The following PRKN variants were observed in gnomAD, a reference collection of about 807,000 sequenced individuals.
The protein encoded by PRKN is E3 ubiquitin-protein ligase parkin.
A neutral mutation model predicts 59.5 loss-of-function variants in PRKN; 56 were observed. That is an observed-to-expected ratio of 0.94 (90% CI 0.76 to 1.18). The LOEUF (loss-of-function observed/expected upper bound fraction) is 1.18. PRKN is among the 50% of genes most tolerant of loss of function. The pLI, the probability that PRKN is intolerant of heterozygous loss-of-function variation, is 0.00. For missense variants in PRKN, 657 were observed against 596.4 expected (o/e 1.10, Z -1.06); for synonymous variants, 250 against 222.1 (o/e 1.13, Z -1.12).
chr6:162,563,003 T>C (rs1045785410), intron 1 of PRKN, among the ~76,000 whole-genome samples: 17 of 152,124 alleles, frequency 1.1e-4, no homozygotes, highest in Admixed American at 6.6e-5. Context: ...AAACTCTTTG[T>C]TTAAGAGAAA....
chr6:161,700,342 T>C (rs191356638), intron 7 of PRKN, among the ~76,000 whole-genome samples: 6 of 152,276 alleles, frequency 3.9e-5, no homozygotes, highest in Admixed American at 3.9e-4. Flanking sequence ...CTCAGCTGCA[T>C]GTTGTTTTCT....
rs566401221 is a variant in PRKN at position 162,225,088 on chromosome 6, C to G, written c.413-23836G>C. ...GAAGTCCAAGATTGGGCAGCCCTGT[C>G]TGGGCTGCATCATAACATGGTAGAC... On this transcript the variant is annotated intron_variant, in intron 3 of 11. Coordinates refer to ENST00000366898, the MANE Select transcript of PRKN (RefSeq NM_004562.3). Among the ~76,000 whole-genome samples, 154 of 152,286 alleles carry G rather than the reference C, an allele frequency of 1.0e-3. 1 individual carries two copies. The highest frequency in any genetic ancestry group is 3.5e-3 in the African/African-American group (147 of 41,540).
At chr6:162,376,427 C>T (rs897272273) in intron 2 of PRKN, among the ~76,000 whole-genome samples, 7 of 151,932 alleles carry the variant, frequency 4.6e-5, no homozygotes, top group African/African-American at 1.7e-4. Flanking sequence ...TAATCCCTCA[C>T]ATTCATGTTT....
intron 5 of PRKN, among the ~76,000 whole-genome samples, chr6:162,032,450 CAT>C (rs1405495465): frequency 1.3e-5 from 2 of 152,014 alleles, no homozygotes; most frequent in Non-Finnish European, 2.9e-5. Context: ...CAACAGAAAA[CAT>C]GTCTGAATCT....
rs1242855216 is a variant in PRKN at position 161,388,850 on chromosome 6, C to T, written c.1084-1973G>A. Among the ~76,000 whole-genome samples the T allele has an allele frequency of 6.6e-6, 1 of 152,232 alleles. No homozygotes were observed. The highest frequency in any genetic ancestry group is 6.5e-5 in the Admixed American group (1 of 15,278). ...GCTTTTAGTAGACAGCCAGCACCAA[C>T]TTGCCAGCTATGTGACTGGGTCATA... is the stretch of plus-strand genomic sequence containing the variant. On this transcript the variant is annotated intron_variant, in intron 9 of 11. Coordinates refer to ENST00000366898, the MANE Select transcript of PRKN (RefSeq NM_004562.3). This position sits in a 1 kb window ranked among gnomAD's most constrained non-coding sequence, Gnocchi z 4.3.
intron 2 of PRKN, among the ~76,000 whole-genome samples, chr6:162,421,625 A>G (rs377250893): frequency 2.0e-5 from 3 of 152,206 alleles, no homozygotes; most frequent in South Asian, 2.1e-4. Context: ...CTACTCATTA[A>G]CAAATGTCTA....
At chr6:162,647,498 A>T (rs1042012015) in intron 1 of PRKN, among the ~76,000 whole-genome samples, 2 of 152,160 alleles carry the variant, frequency 1.3e-5, no homozygotes, top group Admixed American at 6.5e-5. Context: ...GAAAGGTCTT[A>T]ACAGCCTTAA....
At chr6:161,382,082 G>A (rs1213941621) in intron 10 of PRKN, among the ~76,000 whole-genome samples, 15 of 137,452 alleles carry the variant, frequency 1.1e-4, no homozygotes, top group African/African-American at 3.0e-4. Flanking sequence ...ATTGTAGTCC[G>A]GCCTGGGTGA....
At chr6:161,610,567 T>G (rs1283542191) in intron 7 of PRKN, among the ~76,000 whole-genome samples, 1 of 141,092 alleles carries the variant, frequency 7.1e-6, no homozygotes, top group Non-Finnish European at 1.5e-5. Context: ...CTGTGAGGAG[T>G]ACCAGGGATA....
chr6:161,913,205 T>C, intron 6 of PRKN, among the ~76,000 whole-genome samples: 1 of 147,182 alleles, frequency 6.8e-6, no homozygotes, highest in East Asian at 2.0e-4. Flanking sequence ...TGGGATAATG[T>C]ATAATGTGGC....
intron 6 of PRKN, among the ~76,000 whole-genome samples, chr6:161,970,491 A>T (rs1780761516): frequency 6.6e-6 from 1 of 151,894 alleles, no homozygotes; most frequent in South Asian, 2.1e-4. Context: ...ATTGCAAAAA[A>T]ATTAACCAGA....
intron 7 of PRKN, among the ~76,000 whole-genome samples, chr6:161,577,383 G>A (rs1475155198): frequency 6.6e-6 from 1 of 152,166 alleles, no homozygotes; most frequent in Non-Finnish European, 1.5e-5. Context: ...ATCTCTAGAT[G>A]AAACCTTTAA....
Position 161,549,625 on chromosome 6 carries a change from T to C in PRKN, c.934-622A>G, listed in dbSNP as rs1779927321. On this transcript the variant is annotated intron_variant, in intron 8 of 11. Coordinates refer to ENST00000366898, the MANE Select transcript of PRKN (RefSeq NM_004562.3). The surrounding 1 kb of genome is among the most constrained non-coding windows in gnomAD (Gnocchi z 6.0). ...CTGATGTCATTTCTTCCTGGTACCG[T>C]TTTGCTCAATTTCCTTTAATGGTTT... Among the ~76,000 whole-genome samples, 1 of 152,152 alleles carries C rather than the reference T, an allele frequency of 6.6e-6. No individual in the cohort carries two copies. The highest frequency in any genetic ancestry group is 6.5e-5 in the Admixed American group (1 of 15,268).
chr6:161,735,979 C>A (rs946592736), intron 7 of PRKN, among the ~76,000 whole-genome samples: 2 of 152,128 alleles, frequency 1.3e-5, no homozygotes, highest in African/African-American at 4.8e-5. Context: ...TTAAAAAATT[C>A]TTCCTTTTAC....
chr6:161,358,444 G>A (rs570456731), intron 11 of PRKN, among the ~76,000 whole-genome samples: 126 of 152,140 alleles, frequency 8.3e-4, no homozygotes, highest in Middle Eastern at 3.4e-3. Context: ...GTGAAATCCC[G>A]TCTCTACTAA....
chr6:162,288,686 C>A (rs900171616), intron 2 of PRKN, among the ~76,000 whole-genome samples: 1 of 152,112 alleles, frequency 6.6e-6, no homozygotes, highest in Non-Finnish European at 1.5e-5. Flanking sequence ...TCATGAGCCC[C>A]TAAGCAGAGG....
At chr6:162,139,022 A>T (rs1387758297) in intron 4 of PRKN, among the ~76,000 whole-genome samples, 1 of 152,222 alleles carries the variant, frequency 6.6e-6, no homozygotes. Flanking sequence ...AGTGGGGGCT[A>T]AGAATGATGG....
intron 4 of PRKN, among the ~76,000 whole-genome samples, chr6:162,166,096 A>G (rs1381625986): frequency 6.6e-6 from 1 of 151,322 alleles, no homozygotes; most frequent in African/African-American, 2.4e-5. Context: ...TCTGTTTAAA[A>G]GTGGTTTACA....
In PRKN at chr6:161,861,471, T is replaced by C. The variant is rs190924111; in HGVS notation, c.735-75563A>G. 4.0e-3 allele frequency among the ~76,000 whole-genome samples: 603 copies of C among 152,206 alleles called. 2 individuals carry two copies. The highest frequency in any genetic ancestry group is 0.014 in the African/African-American group (566 of 41,528). On this transcript the variant is annotated intron_variant, in intron 6 of 11. Coordinates refer to ENST00000366898, the MANE Select transcript of PRKN (RefSeq NM_004562.3). ...GGAGAGCATTAGAACAAATACGTAA[T>C]GCATGTGGGGCTTATAACCTAGATG...
Sources: allele counts gnomAD v4.1 joint callset (sites outside exome capture counted in the v4.1 genomes callset), GRCh38; gene constraint gnomAD v4.1.1; non-coding constraint Gnocchi (gnomAD v3.1); transcripts MANE v1.5; gene names NCBI Gene and HGNC (gene_info 2026-07-23, HGNC 2026-07-21).